Variants in TRMT11 observed in about 807,000 individuals in gnomAD.
TRMT11 encodes tRNA methyltransferase 11.
TRMT11 carries 53 observed loss-of-function variants against 62.8 expected under a neutral mutation model. The ratio of observed to expected loss-of-function variants is 0.84; its 90% confidence interval spans 0.68 to 1.06. The LOEUF is 1.06. Ranked by LOEUF, TRMT11 falls within the 50% of genes least tolerant of loss-of-function variation. TRMT11 has a pLI of 0.00. For missense variants in TRMT11, 556 were observed against 553.4 expected, an observed-to-expected ratio of 1.00 and a Z score of -0.05; for synonymous variants, 188 against 190.3, an observed-to-expected ratio of 0.99 and a Z score of 0.10.
Position 125,998,138 on chromosome 6 carries a change from C to T in TRMT11, c.294+4C>T, listed in dbSNP as rs551281263. 1.6e-5 allele frequency: 26 copies of T among 1,611,748 alleles called. No individual in the cohort carries two copies. In the South Asian group the frequency reaches 2.0e-4, roughly 12 times the overall value. The stretch of plus-strand genomic sequence containing the variant: ...AAACTACCCTGTGGAGAAGATGGTG[C>T]GTAGTAAAATGTGGTTTTATATAGG... On this transcript the variant is annotated splice_donor_region_variant and intron_variant, in intron 4 of 12. Transcript: ENST00000334379.
At chr6:126,060,416 C>T (rs752921854) in intron 17 of TRMT11, among the ~76,000 whole-genome samples, 3 of 152,182 alleles carry the variant, frequency 2.0e-5, no homozygotes, top group Non-Finnish European at 2.9e-5. Flanking sequence ...AAGCTGTCCA[C>T]CAGAGAAGTG....
At chr6:126,269,436 A>T in the TRMT11 span, among the ~76,000 whole-genome samples, 3 of 152,312 alleles carry the variant, frequency 2.0e-5, no homozygotes, top group Admixed American at 2.0e-4. Context: ...GGGCAAAGAG[A>T]TACCAGTCAA....
rs549494874 is a variant in TRMT11 at position 126,064,994 on chromosome 6, C to T, written c.*1437+11804C>T. Among the ~76,000 whole-genome samples, 84 of 150,460 alleles carry T rather than the reference C, an allele frequency of 5.6e-4. 1 individual carries two copies. Among genetic ancestry groups the T allele is most frequent in the Non-Finnish European group, 8.7e-4 (59 of 67,974 alleles). On this transcript the variant is annotated intron_variant and NMD_transcript_variant, in intron 17 of 22. Transcript: ENST00000648977. ...TTTTACTTTAGATGTGTGAGCTGAT[C>T]CCCCAGGCAGCGTTGGTGATCCTGC... is the stretch of plus-strand genomic sequence containing the variant.
At chr6:126,110,070 T>A (rs1777513233) in intron 17 of TRMT11, among the ~76,000 whole-genome samples, 1 of 152,148 alleles carries the variant, frequency 6.6e-6, no homozygotes, top group Non-Finnish European at 1.5e-5. Context: ...CAGGGCACAG[T>A]GTGTGGACTG....
At chr6:125,989,307 C>CA (rs1474082711) in intron 1 of TRMT11, among the ~76,000 whole-genome samples, 1 of 151,386 alleles carries the variant, frequency 6.6e-6, no homozygotes, top group Non-Finnish European at 1.5e-5. Flanking sequence ...TTTGTATTTT[C>CA]AGTAGAGACG....
downstream of TRMT11, among the ~76,000 whole-genome samples, chr6:126,202,686 T>A (rs925779495): frequency 3.3e-5 from 5 of 149,792 alleles, no homozygotes; most frequent in Non-Finnish European, 6.0e-5. Flanking sequence ...AAAAAAACTT[T>A]AAAAATTAAA....
chr6:126,184,985 A>T (rs371817549), intron 1 of TRMT11, among the ~76,000 whole-genome samples: 1 of 152,186 alleles, frequency 6.6e-6, no homozygotes, highest in African/African-American at 2.4e-5. Context: ...AACTTTAAGT[A>T]TATGTAATAT....
intron 1 of TRMT11, among the ~76,000 whole-genome samples, chr6:126,184,448 A>G (rs1256512904): frequency 6.6e-6 from 1 of 152,212 alleles, no homozygotes; most frequent in African/African-American, 2.4e-5. Flanking sequence ...TTGAACTGCT[A>G]TACTATGCCA....
chr6:126,161,543 T>C (rs964547973), intron 21 of TRMT11, among the ~76,000 whole-genome samples: 45 of 152,314 alleles, frequency 3.0e-4, no homozygotes, highest in African/African-American at 1.1e-3. Flanking sequence ...AATAAACATA[T>C]GTGTGCATGT....
chr6:126,253,558 A>G, the TRMT11 span, among the ~76,000 whole-genome samples: 1 of 142,512 alleles, frequency 7.0e-6, no homozygotes, highest in Non-Finnish European at 1.5e-5. Flanking sequence ...CATGGGCATC[A>G]CCAGAAACAT....
rs112779003 is a variant in TRMT11 at position 126,065,799 on chromosome 6, T to C, written c.*1437+12609T>C. 6.8e-3 allele frequency among the ~76,000 whole-genome samples: 1,036 copies of C among 152,360 alleles called. 15 individuals are homozygous for C. Among genetic ancestry groups the C allele is most frequent in the African/African-American group, 0.024 (1,001 of 41,578 alleles). On this transcript the variant is annotated intron_variant and NMD_transcript_variant, in intron 17 of 22. Transcript: ENST00000648977. Reference sequence around the variant, plus strand: ...GGCAAGTTGCTTTGTTTCTCTGATGTTGTCCTTCAGACGAGATTGGGAGCG... The same window carrying C: ...GGCAAGTTGCTTTGTTTCTCTGATGCTGTCCTTCAGACGAGATTGGGAGCG...
At chr6:125,996,835 T>A (rs952254732) in intron 3 of TRMT11, among the ~76,000 whole-genome samples, 1 of 152,178 alleles carries the variant, frequency 6.6e-6, no homozygotes, top group Non-Finnish European at 1.5e-5. Flanking sequence ...TTTTATATCA[T>A]CATATGTAAT....
chr6:126,072,752 G>A (rs578032933), intron 17 of TRMT11, among the ~76,000 whole-genome samples: 1 of 152,268 alleles, frequency 6.6e-6, no homozygotes, highest in South Asian at 2.1e-4. Context: ...CTGGCTTGCA[G>A]ATGTGTCTTA....
the TRMT11 span, among the ~76,000 whole-genome samples, chr6:126,216,204 G>A: frequency 6.6e-6 from 1 of 152,112 alleles, no homozygotes; most frequent in East Asian, 1.9e-4. Flanking sequence ...CCTTTTGTTT[G>A]TCTGGAAGAG....
downstream of TRMT11, among the ~76,000 whole-genome samples, chr6:126,041,049 A>G (rs1282078446): frequency 6.6e-6 from 1 of 152,176 alleles, no homozygotes; most frequent in Non-Finnish European, 1.5e-5. Flanking sequence ...ATTGAGCAAT[A>G]AAACATTTTC....
chr6:126,090,225 T>C (rs1297890294), intron 17 of TRMT11, among the ~76,000 whole-genome samples: 2 of 152,254 alleles, frequency 1.3e-5, no homozygotes, highest in Non-Finnish European at 2.9e-5. Context: ...CTTTCTCATA[T>C]GTCTGTCTGA....
At chr6:126,015,223 A>G (rs1202927320) in intron 11 of TRMT11, among the ~76,000 whole-genome samples, 4 of 151,424 alleles carry the variant, frequency 2.6e-5, no homozygotes, top group Admixed American at 1.3e-4. Flanking sequence ...GCACATATCT[A>G]TTATCACTAA....
At chr6:126,052,851 C>T (rs374730791) in intron 16 of TRMT11, among the ~76,000 whole-genome samples, 18 of 152,214 alleles carry the variant, frequency 1.2e-4, no homozygotes, top group African/African-American at 4.3e-4. Context: ...ACAGGAGAAC[C>T]ATGTTTTTGC....
upstream of TRMT11, among the ~76,000 whole-genome samples, chr6:126,172,647 G>A (rs1053406228): frequency 1.3e-5 from 2 of 151,982 alleles, no homozygotes; most frequent in Non-Finnish European, 1.5e-5. Context: ...GTGACTTTGT[G>A]TCCCATCCGT....
Sources: gnomAD v4.1 joint callset for allele counts (sites outside exome capture counted in the v4.1 genomes callset) on GRCh38, gnomAD v4.1.1 for gene constraint, MANE v1.5 for transcripts, NCBI Gene and HGNC (gene_info 2026-07-23, HGNC 2026-07-21) for gene names.